ZZEF1: variants seen among roughly 807,000 people sequenced by gnomAD.
The protein encoded by ZZEF1 is zinc finger ZZ-type and EF-hand domain containing 1.
A neutral mutation model predicts 342.8 loss-of-function variants in ZZEF1; 157 were observed. The ratio of observed to expected loss-of-function variants is 0.46; its 90% CI spans 0.40 to 0.52. The LOEUF (loss-of-function observed/expected upper bound fraction) is 0.52. Ranked by LOEUF, ZZEF1 falls within the 20% of genes least tolerant of loss-of-function variation. The pLI is 0.00. For missense variants in ZZEF1, 3,480 were observed against 3,725.6 expected, an observed-to-expected ratio of 0.93 and a Z score of 1.72; for synonymous variants, 1,505 against 1,429.1, an observed-to-expected ratio of 1.05 and a Z score of -1.20.
chr17:4,094,451 T>G (rs2057998695), intron 11 of ZZEF1, among the ~76,000 whole-genome samples: 1 of 152,238 alleles, frequency 6.6e-6, no homozygotes, highest in African/African-American at 2.4e-5. Context: ...ACTTGGCCTA[T>G]TTCTACATTT....
chr17:4,031,926 G>A (rs980619671), intron 42 of ZZEF1, among the ~76,000 whole-genome samples, 200 bp downstream of exon 42: 1 of 152,040 alleles, frequency 6.6e-6, no homozygotes, highest in African/African-American at 2.4e-5. Context: ...CAAAAAGACA[G>A]CATGGAAAGG....
At chr17:4,116,035 G>C (rs2058388189) in intron 3 of ZZEF1, among the ~76,000 whole-genome samples, 1 of 152,114 alleles carries the variant, frequency 6.6e-6, no homozygotes, top group Non-Finnish European at 1.5e-5. Context: ...TAAGAATCTA[G>C]TTTCAGCTGG....
intron 35 of ZZEF1, among the ~76,000 whole-genome samples, chr17:4,051,676 A>G (rs2057048922): frequency 6.6e-6 from 1 of 151,766 alleles, no homozygotes; most frequent in Non-Finnish European, 1.5e-5. Context: ...TCGGCCTCTG[A>G]AAGTGCTGGG....
At chr17:4,023,296 C>G (rs1206546065) in intron 43 of ZZEF1, among the ~76,000 whole-genome samples, 1 of 152,152 alleles carries the variant, frequency 6.6e-6, no homozygotes, top group African/African-American at 2.4e-5. Flanking sequence ...CGCAGGCCCC[C>G]TGTTGTCTCT....
Position 4,139,748 on chromosome 17 carries a change from G to A in ZZEF1, c.354+2794C>T, listed in dbSNP as rs746593660. Among the ~76,000 whole-genome samples the A allele has an allele frequency of 6.6e-4, 101 of 152,314 alleles. 1 individual carries two copies. In the Middle Eastern group the frequency reaches 0.014, roughly 21 times the overall value. ...TATCACAATCAGGTTTTTAAACCTT[G>A]GCTAAGCCTCACTCACAGAACTGTA... On this transcript the variant is annotated intron_variant, in intron 1 of 54. Transcript: ENST00000381638.
At chr17:4,107,440 G>A (rs1228410959) in intron 6 of ZZEF1, among the ~76,000 whole-genome samples, 2 of 152,200 alleles carry the variant, frequency 1.3e-5, no homozygotes, top group Non-Finnish European at 2.9e-5. Flanking sequence ...AGGTTTTAGA[G>A]CCTGAGCAGG....
intron 12 of ZZEF1, among the ~76,000 whole-genome samples, chr17:4,089,739 C>T (rs112343032): frequency 1.5e-5 from 2 of 129,268 alleles, no homozygotes; most frequent in African/African-American, 5.8e-5. Context: ...CAGCCTGAGG[C>T]GCCCTCCTCC....
At chr17:4,035,930 T>G (rs1285394129) in intron 39 of ZZEF1, among the ~76,000 whole-genome samples, 1 of 152,016 alleles carries the variant, frequency 6.6e-6, no homozygotes, top group East Asian at 1.9e-4. Flanking sequence ...TGAAACCCTG[T>G]CCCTACTAAA....
In ZZEF1 at chr17:4,066,240, T is replaced by C. The variant is rs114794013; in HGVS notation, c.4249+207A>G. Among the ~76,000 whole-genome samples the C allele has an allele frequency of 4.8e-3, 733 of 152,328 alleles. 5 individuals are homozygous for C. The highest frequency in any genetic ancestry group is 0.017 in the African/African-American group (711 of 41,570). On this transcript the variant is annotated intron_variant, in intron 28 of 54. Transcript: ENST00000381638. The stretch of plus-strand genomic sequence containing the variant: ...GAGAAGTGATTAGAAAGATGTTCCA[T>C]TTGGAGCAGGCCAATAAAACATTAC...
At chr17:4,051,140 C>G in intron 35 of ZZEF1, 97 bp from the exon 36 acceptor site, 1 of 1,546,798 alleles carries the variant, frequency 6.5e-7, no homozygotes, top group Non-Finnish European at 8.9e-7. Flanking sequence ...GTGGTCGCAA[C>G]TGGGCATTAG....
At chr17:4,060,600 AC>A (rs987642436) in intron 30 of ZZEF1, among the ~76,000 whole-genome samples, 3 of 151,852 alleles carry the variant, frequency 2.0e-5, no homozygotes, top group African/African-American at 4.8e-5. Context: ...AACAAAAAAA[AC>A]ACTCAACCCC....
Position 4,016,486 on chromosome 17 carries a change from T to C in ZZEF1, c.8002-20A>G, listed in dbSNP as rs776162385. ...CAGGATCTGGTGGGAAGCAGACAGA[T>C]AAGGTCAGGGCCTGCAAGTGGCATC... On this transcript the variant is annotated intron_variant, in intron 48 of 54. Coordinates refer to ENST00000381638, the MANE Select transcript of ZZEF1 (RefSeq NM_015113.4). This position sits in a 1 kb window ranked among gnomAD's most constrained non-coding sequence, Gnocchi z 4.4. 1.9e-5 allele frequency: 31 copies of C among 1,599,942 alleles called. No homozygotes were observed. Among genetic ancestry groups the C allele is most frequent in the Non-Finnish European group, 2.6e-5 (31 of 1,176,864 alleles).
intron 43 of ZZEF1, among the ~76,000 whole-genome samples, chr17:4,023,081 C>T (rs1036641440): frequency 3.3e-5 from 5 of 152,174 alleles, no homozygotes; most frequent in Admixed American, 6.5e-5. Flanking sequence ...TCTCCGGCTG[C>T]GCCCCACCTT....
intron 9 of ZZEF1, among the ~76,000 whole-genome samples, chr17:4,101,563 A>AAG (rs1597893691): frequency 6.6e-6 from 1 of 152,226 alleles, no homozygotes; most frequent in African/African-American, 2.4e-5. Context: ...ACACTAGGAA[A>AAG]AGAGTGAGGC....
chr17:4,036,078 CAAAAAA>C lies in ZZEF1; in HGVS notation c.6307-1792_6307-1787del, dbSNP rs34564566. On this transcript the variant is annotated intron_variant, in intron 39 of 54. Coordinates refer to ENST00000381638, the MANE Select transcript of ZZEF1 (RefSeq NM_015113.4). ...TTGCACCACTGCACTACAGCCTGTC[CAAAAAA>C]AAAAAAAAAAAGAGTCGAAACAAGG... Among the ~76,000 whole-genome samples the C allele has an allele frequency of 2.7e-4, 25 of 92,758 alleles. No homozygotes were observed. The South Asian group carries it at 7.9e-3, about 29-fold the overall frequency. The allele number at this position is 92,758 out of a possible 152,430, so 60.9% of individuals were successfully genotyped here.
chr17:4,024,690 A>T lies in ZZEF1; in HGVS notation c.7092+229T>A, dbSNP rs2056363485. 5.9e-5 allele frequency among the ~76,000 whole-genome samples: 9 copies of T among 152,204 alleles called. 1 individual carries two copies. In the South Asian group the frequency reaches 1.9e-3, roughly 32 times the overall value. ...GTCTGACAAAGTTGTGTTCCCATGA[A>T]GTAGTAGTATCAGATTCCTTGAAAC... On this transcript the variant is annotated intron_variant, in intron 43 of 54. Coordinates refer to ENST00000381638, the MANE Select transcript of ZZEF1 (RefSeq NM_015113.4).
intron 35 of ZZEF1, 105 bp from the exon 36 acceptor site, chr17:4,051,148 T>C (rs2057037950): frequency 2.8e-6 from 4 of 1,453,412 alleles, no homozygotes; most frequent in African/African-American, 1.4e-5. Flanking sequence ...AACTGGGCAT[T>C]AGTCACCTCT....
chr17:4,064,229 A>G, intron 29 of ZZEF1, 132 bp downstream of exon 29: 1 of 761,920 alleles, frequency 1.3e-6, no homozygotes. Context: ...CTTTTCTTGA[A>G]TATTCTAAAA....
At chr17:4,131,505 G>A (rs904804772) in intron 1 of ZZEF1, among the ~76,000 whole-genome samples, 4 of 151,588 alleles carry the variant, frequency 2.6e-5, no homozygotes, top group Admixed American at 2.0e-4. Context: ...AAGGCCAGAC[G>A]CAGTGGCTCA....
Sources: allele counts gnomAD v4.1 joint callset (sites outside exome capture counted in the v4.1 genomes callset), GRCh38; gene constraint gnomAD v4.1.1; non-coding constraint Gnocchi (gnomAD v3.1); transcripts MANE v1.5; gene names NCBI Gene and HGNC (gene_info 2026-07-23, HGNC 2026-07-21).